Variants in SAMD5 observed in about 807,000 individuals in gnomAD.
SAMD5 encodes sterile alpha motif domain-containing protein 5.
SAMD5 carries 13 observed loss-of-function variants against 11.3 expected under a neutral mutation model. The ratio of observed to expected loss-of-function variants is 1.15; its 90% CI spans 0.75 to 1.83. The LOEUF (loss-of-function observed/expected upper bound fraction) is 1.83. SAMD5 is among the 40% of genes most tolerant of loss of function. The probability of loss-of-function intolerance (pLI) is 0.00; values close to 1 mark genes in which losing one functional copy is unlikely to be tolerated. For missense variants in SAMD5, 255 were observed against 239.1 expected (o/e 1.07, Z -0.44); for synonymous variants, 129 against 111.3 (o/e 1.16, Z -1.00).
chr6:147,789,222 A>G, the SAMD5 span, among the ~76,000 whole-genome samples: 1 of 151,572 alleles, frequency 6.6e-6, no homozygotes, highest in Non-Finnish European at 1.5e-5. Flanking sequence ...AGCAAGGATG[A>G]TGCCACTGCA....
chr6:147,708,887 A>G (rs1283453509), intron 1 of SAMD5, among the ~76,000 whole-genome samples: 1 of 152,206 alleles, frequency 6.6e-6, no homozygotes, highest in Non-Finnish European at 1.5e-5. Context: ...GTGGTGTCCC[A>G]GTCTGTCTGG....
At chr6:147,600,977 T>C (rs1424217896) in intron 1 of SAMD5, among the ~76,000 whole-genome samples, 1 of 152,244 alleles carries the variant, frequency 6.6e-6, no homozygotes, top group Non-Finnish European at 1.5e-5. Flanking sequence ...AATCGTAGAA[T>C]CTTCAAAAAC....
chr6:147,933,453 A>G, the SAMD5 span, among the ~76,000 whole-genome samples: 1 of 152,188 alleles, frequency 6.6e-6, no homozygotes, highest in African/African-American at 2.4e-5. Context: ...TTTGCTGACA[A>G]ACGTGTAGAG....
At chr6:147,556,306 A>G (rs1049552186) in intron 1 of SAMD5, among the ~76,000 whole-genome samples, 8 of 152,120 alleles carry the variant, frequency 5.3e-5, no homozygotes, top group African/African-American at 9.7e-5. Flanking sequence ...GTTAACCAGG[A>G]TGGTCTCGAT....
chr6:147,517,320 T>C (rs1022836711), intron 1 of SAMD5, among the ~76,000 whole-genome samples: 3 of 152,160 alleles, frequency 2.0e-5, no homozygotes, highest in African/African-American at 4.8e-5. Context: ...CTAACAGGTG[T>C]TGAGGGAAAA....
the SAMD5 span, among the ~76,000 whole-genome samples, chr6:147,856,437 C>T: frequency 3.3e-5 from 5 of 152,142 alleles, no homozygotes; most frequent in South Asian, 1.0e-3. Context: ...TGCAGTTTGG[C>T]ATACCATTGT....
intron 1 of SAMD5, among the ~76,000 whole-genome samples, chr6:147,515,860 C>T (rs567085182): frequency 2.0e-5 from 3 of 152,130 alleles, no homozygotes; most frequent in African/African-American, 7.2e-5. Flanking sequence ...CTGATTAAAA[C>T]CCAAGTAAAG....
chr6:147,567,192 G>A lies in SAMD5; in HGVS notation c.*2736G>A, dbSNP rs1789055215. 1.0e-6 allele frequency: 1 copy of A among 985,276 alleles called. No individual in the cohort carries two copies. Among genetic ancestry groups the A allele is most frequent in the African/African-American group, 1.7e-5 (1 of 57,250 alleles). The allele number at this position is 985,276 out of a possible 1,614,324, so 61.0% of individuals were successfully genotyped here. A position where few individuals can be genotyped will look rare whatever the true frequency, so the allele number is the denominator to read the frequency against. On this transcript the variant is annotated 3_prime_UTR_variant, in exon 2 of 2. Coordinates refer to ENST00000367474, the MANE Select transcript of SAMD5 (RefSeq NM_001030060.3). ...TTTCTTGGCATAGGGAAGGCGTAATGTTAAGGGCTTCTTCCTTACCCAAGT... is the reference window on the plus strand; with the variant it reads ...TTTCTTGGCATAGGGAAGGCGTAATATTAAGGGCTTCTTCCTTACCCAAGT...
intron 1 of SAMD5, among the ~76,000 whole-genome samples, chr6:147,541,906 G>T (rs1449603979): frequency 6.6e-6 from 1 of 152,114 alleles, no homozygotes; most frequent in Non-Finnish European, 1.5e-5. Context: ...CCACAATGGG[G>T]CTATAGACAG....
intron 1 of SAMD5, among the ~76,000 whole-genome samples, chr6:147,562,712 T>C (rs895458461): frequency 2.6e-5 from 4 of 152,012 alleles, no homozygotes; most frequent in South Asian, 2.1e-4. Flanking sequence ...GTCCCAGCTA[T>C]TCGGGAGGCT....
the SAMD5 span, among the ~76,000 whole-genome samples, chr6:147,763,733 C>T: frequency 0.025 from 3,779 of 152,018 alleles, 64 homozygotes; most frequent in South Asian, 0.048. Flanking sequence ...CAGGCGCCCA[C>T]CACCACGCCC....
intron 1 of SAMD5, among the ~76,000 whole-genome samples, chr6:147,518,409 T>C (rs909716182): frequency 6.6e-6 from 1 of 152,216 alleles, no homozygotes; most frequent in African/African-American, 2.4e-5. Flanking sequence ...ATCTTAGGCA[T>C]ACCCATGAAA....
chr6:147,841,000 A>C, the SAMD5 span, among the ~76,000 whole-genome samples: 2 of 152,214 alleles, frequency 1.3e-5, no homozygotes, highest in Non-Finnish European at 2.9e-5. Context: ...AGGAGTCTGG[A>C]GTTTGAACTA....
chr6:147,838,512 T>TA, the SAMD5 span, among the ~76,000 whole-genome samples: 1 of 148,598 alleles, frequency 6.7e-6, no homozygotes, highest in Non-Finnish European at 1.5e-5. Flanking sequence ...TAAAACACAC[T>TA]AGGAACTAAG....
chr6:147,763,767 A>G, the SAMD5 span, among the ~76,000 whole-genome samples: 1 of 151,710 alleles, frequency 6.6e-6, no homozygotes, highest in Non-Finnish European at 1.5e-5. Context: ...TATTTTTAGT[A>G]GAGACGGGGT....
the SAMD5 span, among the ~76,000 whole-genome samples, chr6:147,819,240 T>C: frequency 3.3e-4 from 50 of 152,188 alleles, no homozygotes; most frequent in East Asian, 6.4e-3. Context: ...GAAAACTAAA[T>C]ACTGCATATT....
chr6:147,824,548 A>G, the SAMD5 span, among the ~76,000 whole-genome samples: 1 of 152,192 alleles, frequency 6.6e-6, no homozygotes, highest in African/African-American at 2.4e-5. Context: ...GTGCATTTAA[A>G]TGTTTGATTG....
At chr6:147,520,278 T>C (rs1788232231) in intron 1 of SAMD5, among the ~76,000 whole-genome samples, 1 of 152,102 alleles carries the variant, frequency 6.6e-6, no homozygotes, top group Admixed American at 6.5e-5. Flanking sequence ...CACCATTGCC[T>C]GGCTAATTTT....
intron 1 of SAMD5, among the ~76,000 whole-genome samples, chr6:147,590,829 G>C (rs1244958762): frequency 6.6e-6 from 1 of 152,114 alleles, no homozygotes; most frequent in African/African-American, 2.4e-5. Flanking sequence ...AAAATCTAAT[G>C]GTTACCTACT....
Sources: allele counts gnomAD v4.1 joint callset (sites outside exome capture counted in the v4.1 genomes callset), GRCh38; gene constraint gnomAD v4.1.1; transcripts MANE v1.5; gene names NCBI Gene and HGNC (gene_info 2026-07-23, HGNC 2026-07-21).